BICDL2: variants seen among roughly 807,000 people sequenced by gnomAD.
The protein encoded by BICDL2 is BICD family like cargo adaptor 2, also known as BICD family-like cargo adapter 2.
A neutral mutation model predicts 56.6 loss-of-function variants in BICDL2; 62 were observed. The observed-to-expected ratio is 1.10, with a 90% confidence interval of 0.89 to 1.35. The LOEUF (loss-of-function observed/expected upper bound fraction) is 1.35, where lower values mean the gene tolerates loss of function less well. Ranked by LOEUF, BICDL2 falls within the 40% of genes most tolerant of loss-of-function variation. BICDL2 has a pLI of 0.00. For synonymous variants in BICDL2, 358 were observed against 319.8 expected (o/e 1.12, Z -1.27); for missense variants, 808 against 684.5 (o/e 1.18, Z -2.01).
intron 4 of BICDL2, 23 bp downstream of exon 4, chr16:3,030,673 C>T: frequency 6.2e-7 from 1 of 1,602,170 alleles, no homozygotes. Flanking sequence ...TCAGATAATC[C>T]CCCAGCCCCA....
chr16:3,035,021 T>C, intron 2 of BICDL2, 194 bp downstream of exon 2: 2 of 607,166 alleles, frequency 3.3e-6, no homozygotes, highest in Non-Finnish European at 5.8e-6. Context: ...CCAGAGTTCA[T>C]GTTCTTTGCC....
At chr16:3,036,602 C>A in intron 1 of BICDL2, 1 of 450,956 alleles carries the variant, frequency 2.2e-6, no homozygotes, top group South Asian at 1.6e-5. Context: ...CCCTCGCGGG[C>A]CCCGCTCCCC....
In BICDL2 at chr16:3,029,693, C is replaced by T. The variant is rs1436983623; in HGVS notation, c.809G>A (p.Arg270Gln). The change falls in exon 6 of 10, where the codon CGG (arginine) becomes CAG (glutamine). Residue 270 changes from arginine (R) to glutamine (Q), a missense_variant. By Grantham distance (43) the Arg-to-Gln change is conservative. Transcript: ENST00000572449. ...CTCGGAGACGCGCCGCTGCAGCCTC[C>T]GCAGCGCACTCAGCGCCTCCCCAGC... ...SEAGEALSALRRLQRRVSELE... is the reference protein window; with the variant it reads ...SEAGEALSALQRLQRRVSELE... 6.5e-7 allele frequency: 1 copy of T among 1,541,288 alleles called. No homozygotes were observed. The highest frequency in any genetic ancestry group is 1.2e-5 in the South Asian group (1 of 84,560).
chr16:3,031,496 T>C (rs1955654348), intron 2 of BICDL2: 3 of 505,640 alleles, frequency 5.9e-6, no homozygotes, highest in Admixed American at 7.1e-5. Context: ...CCCCGGCCCA[T>C]GGCAGCACAC....
chr16:3,035,225 T>G lies in BICDL2; in HGVS notation c.272A>C (p.Glu91Ala). 1 of 1,185,230 alleles carries G rather than the reference T, an allele frequency of 8.4e-7. No homozygotes were observed. Among genetic ancestry groups the G allele is most frequent in the South Asian group, 1.4e-5 (1 of 73,862 alleles). The allele number at this position is 1,185,230 out of a possible 1,614,324, so 73.4% of individuals were successfully genotyped here. ...CCAGTGCTAGCTCACTTCCTCACGC[T>G]CCAAGTGCTGGGCGCTCAGCGTCTC... is the stretch of plus-strand genomic sequence containing the variant. ...QLETLSAQHLEREERLQQENH... is the reference protein window; with the variant it reads ...QLETLSAQHLAREERLQQENH... The change falls in exon 2 of 10, where the codon GAG (glutamate) becomes GCG (alanine). Residue 91 changes from glutamate (E) to alanine (A), a missense_variant. By Grantham distance (107) the Glu-to-Ala change is moderately radical. Transcript: ENST00000572449.
rs1329912299 is a variant in BICDL2 at position 3,030,469 on chromosome 16, G to A, written c.742C>T (p.Arg248Trp). ...GTCACCTCCAGGCTGTGCTCCCGCC[G>A]CTCCCGCCTCAGCAGCAGCAACTCC... ...HEELLLLRRERREHSLELERA... is the reference protein window; with the variant it reads ...HEELLLLRREWREHSLELERA... The change falls in exon 5 of 10, where the codon CGG becomes TGG. Residue 248 changes from arginine to tryptophan, a missense_variant. Transcript: ENST00000572449. 5 of 1,602,126 alleles carry A rather than the reference G, an allele frequency of 3.1e-6. No individual in the cohort carries two copies. The highest frequency in any genetic ancestry group is 4.5e-5 in the East Asian group (2 of 44,808).
intron 8 of BICDL2, 74 bp downstream of exon 8, chr16:3,028,626 G>C: frequency 6.5e-7 from 1 of 1,528,824 alleles, no homozygotes; most frequent in Admixed American, 2.2e-5. Flanking sequence ...ATTATAACCC[G>C]TATCAGAAGA....
intron 5 of BICDL2, 117 bp from the exon 6 acceptor site, chr16:3,029,856 G>A (rs1394302798): frequency 1.1e-6 from 1 of 875,528 alleles, no homozygotes; most frequent in Non-Finnish European, 1.7e-6. Flanking sequence ...CAGCGGCCCA[G>A]GCTGTTCCCG....
chr16:3,028,539 T>C (rs1955593482), intron 8 of BICDL2, 71 bp from the exon 9 acceptor site: 2 of 1,545,740 alleles, frequency 1.3e-6, no homozygotes, highest in South Asian at 1.2e-5. Context: ...GCGGGGGACT[T>C]CTGTACCCGG....
intron 8 of BICDL2, 77 bp downstream of exon 8, chr16:3,028,623 C>T: frequency 6.6e-7 from 1 of 1,520,052 alleles, no homozygotes; most frequent in Non-Finnish European, 8.8e-7. Flanking sequence ...ATCATTATAA[C>T]CCGTATCAGA....
chr16:3,028,783 C>G lies in BICDL2; in HGVS notation c.1155G>C (p.Gln385His). 1 of 1,558,024 alleles carries G rather than the reference C, an allele frequency of 6.4e-7. No individual in the cohort carries two copies. The highest frequency in any genetic ancestry group is 1.7e-4 in the Middle Eastern group (1 of 5,992). ...AELQSLREEL[Q>H]RQKELRAQED... ...CCTGCGCCCGCAGCTCCTTCTGCCT[C>G]TGCAGCTCTTCCCGCAGGGACTGCA... is the stretch of plus-strand genomic sequence containing the variant. Residue 385 changes from glutamine to histidine, a missense_variant, in exon 8 of 10, where the codon CAG (glutamine) becomes CAC (histidine). Physicochemically the swap from Gln to His is conservative, Grantham distance 24. Coordinates refer to ENST00000572449, the MANE Select transcript of BICDL2 (RefSeq NM_001369667.1).
intron 1 of BICDL2, chr16:3,035,923 G>A (rs6416816): frequency 0.94 from 267,807 of 284,878 alleles, 126,084 homozygotes; most frequent in East Asian, 1. Flanking sequence ...GTTGGAGTTG[G>A]GCCCAGCCTC....
At position 3,036,611 on chromosome 16, in the gene BICDL2, C is replaced by T. The variant is rs924534829; in HGVS notation, c.-31+283G>A. ...ACTTGGCCCTCGCGGGCCCCGCTCC[C>T]CCGCCCCCCTCCACGCGAGAGACAG... On this transcript the variant is annotated intron_variant, in intron 1 of 9. Coordinates refer to ENST00000572449, the MANE Select transcript of BICDL2 (RefSeq NM_001369667.1). The T allele has an allele frequency of 4.0e-5, 18 of 451,044 alleles. 1 individual carries two copies. The highest frequency in any genetic ancestry group is 1.0e-4 in the African/African-American group (5 of 49,840). 27.9% of individuals were successfully genotyped at this position (451,044 alleles called of 1,614,324 possible). A position where few individuals can be genotyped will look rare whatever the true frequency, so the allele number is the denominator to read the frequency against.
Position 3,028,056 on chromosome 16 carries a change from G to T in BICDL2, c.*50C>A. The stretch of plus-strand genomic sequence containing the variant: ...GGCCCTGTCGCTCCATTGGCCTGAA[G>T]AGGAAAGTGAGCCCCTAAGTGGGCA... On this transcript the variant is annotated 3_prime_UTR_variant, in exon 10 of 10. Coordinates refer to ENST00000572449, the MANE Select transcript of BICDL2 (RefSeq NM_001369667.1). 1 of 1,395,682 alleles carries T rather than the reference G, an allele frequency of 7.2e-7. No homozygotes were observed. Among genetic ancestry groups the T allele is most frequent in the African/African-American group, 1.5e-5 (1 of 65,482 alleles). The allele number at this position is 1,395,682 out of a possible 1,614,324, so 86.5% of individuals were successfully genotyped here.
In BICDL2 at chr16:3,028,432, CGAGACGCGGTTGAGCTGCAGG is replaced by C; in HGVS notation, c.1254_1274del (p.Gln420_Leu426del). On this transcript the variant is annotated inframe_deletion, in exon 9 of 10. Coordinates refer to ENST00000572449, the MANE Select transcript of BICDL2 (RefSeq NM_001369667.1). ...CCCGAGACAGGGAGTCTCGCTCCAG[CGAGACGCGGTTGAGCTGCAGG>C]GACAGCTCCAGGGCCCTAGGCGGGC... 6.4e-7 allele frequency: 1 copy of C among 1,562,178 alleles called. No homozygotes were observed. Among genetic ancestry groups the C allele is most frequent in the East Asian group, 2.3e-5 (1 of 42,838 alleles).
rs1335669646 is a variant in BICDL2 at position 3,035,371 on chromosome 16, T to C, written c.126A>G (p.Pro42=). 2 of 1,606,924 alleles carry C rather than the reference T, an allele frequency of 1.2e-6. No individual in the cohort carries two copies. The highest frequency in any genetic ancestry group is 1.3e-5 in the African/African-American group (1 of 74,752). The change falls in exon 2 of 10, where the codon CCA becomes CCG. Residue 42 remains proline (P), a synonymous_variant. Coordinates refer to ENST00000572449, the MANE Select transcript of BICDL2 (RefSeq NM_001369667.1). The stretch of plus-strand genomic sequence containing the variant: ...CTAGGTCCTCGGGCTCCTCAGGCCC[T>C]GGGCCCCCTCCCAGGAATGAGTCCC... The part of the protein sequence containing the change: ...ERRDSFLGGG[P]GPEEPEDLAL...
At chr16:3,036,106 C>A in intron 1 of BICDL2, 1 of 367,612 alleles carries the variant, frequency 2.7e-6, no homozygotes, top group South Asian at 2.0e-5. Flanking sequence ...CCTCCAGACT[C>A]AGAGGTCCCC....
chr16:3,033,119 A>G (rs1208626199), intron 2 of BICDL2: 1 of 152,244 alleles, frequency 6.6e-6, no homozygotes, highest in African/African-American at 2.4e-5. Context: ...AGCCTGGCCA[A>G]TATGGTGAAA....
At chr16:3,033,467 A>G (rs1955684799) in intron 2 of BICDL2, among the ~76,000 whole-genome samples, 1 of 151,850 alleles carries the variant, frequency 6.6e-6, no homozygotes, top group Non-Finnish European at 1.5e-5. Context: ...GCTTGCGGAT[A>G]TTGGGGGGAA....
Sources: gnomAD v4.1 joint callset for allele counts (sites outside exome capture counted in the v4.1 genomes callset) on GRCh38, gnomAD v4.1.1 for gene constraint, MANE v1.5 for transcripts, NCBI Gene and HGNC (gene_info 2026-07-23, HGNC 2026-07-21) for gene names.